The following OSBPL10 variants were observed in gnomAD, a reference collection of about 807,000 sequenced individuals.
OSBPL10 encodes oxysterol binding protein like 10.
OSBPL10 carries 49 observed loss-of-function variants against 81.7 expected under a neutral mutation model. The observed-to-expected ratio is 0.60, with a 90% CI of 0.48 to 0.76. The LOEUF (loss-of-function observed/expected upper bound fraction) is 0.76, where lower values mean the gene tolerates loss of function less well. Ranked by LOEUF, OSBPL10 falls within the 30% of genes least tolerant of loss-of-function variation. The pLI, the probability that OSBPL10 is intolerant of heterozygous loss-of-function variation, is 0.00. For missense variants in OSBPL10, 923 were observed against 987.8 expected (o/e 0.93, Z 0.88); for synonymous variants, 419 against 383.6 (o/e 1.09, Z -1.08).
rs372994228 is a variant in OSBPL10 at position 31,666,499 on chromosome 3, C to G, written c.2096+2143G>C. Among the ~76,000 whole-genome samples, 20 of 152,288 alleles carry G rather than the reference C, an allele frequency of 1.3e-4. No individual in the cohort carries two copies. The East Asian group carries it at 3.5e-3, about 26-fold the overall frequency. On this transcript the variant is annotated intron_variant, in intron 10 of 11. Transcript: ENST00000396556. ...CCTCTGCAGGGAAGGCCTAGCACAC[C>G]CGGCTGGGAGAGTGAACACAGGTGC...
At chr3:31,861,514 T>C (rs1337286574) in intron 3 of OSBPL10, among the ~76,000 whole-genome samples, 2 of 152,164 alleles carry the variant, frequency 1.3e-5, no homozygotes, top group Non-Finnish European at 2.9e-5. Context: ...TGAATCCACA[T>C]AGGCAGAACC....
At chr3:31,803,174 C>T (rs540736241) in intron 4 of OSBPL10, among the ~76,000 whole-genome samples, 3 of 152,106 alleles carry the variant, frequency 2.0e-5, no homozygotes, top group Non-Finnish European at 4.4e-5. Flanking sequence ...AAGAAAGTGG[C>T]TTCTGATGGT....
At chr3:32,076,264 A>G (rs1699875745) in intron 1 of OSBPL10, among the ~76,000 whole-genome samples, 2 of 152,164 alleles carry the variant, frequency 1.3e-5, no homozygotes, top group South Asian at 4.1e-4. Flanking sequence ...GCTACTCAGG[A>G]GGCTGAGGCA....
At chr3:31,714,234 G>A (rs772926453) in intron 6 of OSBPL10, among the ~76,000 whole-genome samples, 12 of 152,178 alleles carry the variant, frequency 7.9e-5, no homozygotes, top group African/African-American at 1.2e-4. Flanking sequence ...CGGTATACAC[G>A]TAAGGCTCTG....
At chr3:31,925,158 G>T (rs1161700104) in intron 1 of OSBPL10, among the ~76,000 whole-genome samples, 1 of 152,016 alleles carries the variant, frequency 6.6e-6, no homozygotes, top group African/African-American at 2.4e-5. Flanking sequence ...TCAACATATA[G>T]AACAGACTGG....
intron 4 of OSBPL10, among the ~76,000 whole-genome samples, chr3:31,751,114 T>C (rs1697703106): frequency 6.6e-6 from 1 of 152,058 alleles, no homozygotes; most frequent in Non-Finnish European, 1.5e-5. Context: ...GAGACCAGCC[T>C]GGCCAACATA....
intron 1 of OSBPL10, among the ~76,000 whole-genome samples, chr3:32,059,017 G>A (rs1699734951): frequency 6.6e-6 from 1 of 152,172 alleles, no homozygotes; most frequent in Non-Finnish European, 1.5e-5. Flanking sequence ...AGGCTAGGCT[G>A]GCCGGGTGTG....
intron 4 of OSBPL10, among the ~76,000 whole-genome samples, chr3:31,757,616 T>C (rs1575525233): frequency 2.0e-5 from 3 of 152,228 alleles, no homozygotes; most frequent in African/African-American, 4.8e-5. Context: ...ACAGACATCT[T>C]TCCACACCAA....
intron 1 of OSBPL10, among the ~76,000 whole-genome samples, chr3:31,968,438 C>T (rs1469076146): frequency 6.6e-6 from 1 of 151,772 alleles, no homozygotes; most frequent in African/African-American, 2.4e-5. Flanking sequence ...GAAATTCAGA[C>T]CATTCCATGA....
chr3:31,926,566 C>CAT (rs1341510722), intron 1 of OSBPL10, among the ~76,000 whole-genome samples: 1 of 152,158 alleles, frequency 6.6e-6, no homozygotes, highest in Admixed American at 6.5e-5. Context: ...ATTTGCAGCA[C>CAT]ATATGCCATA....
chr3:31,814,555 A>G (rs989638774), intron 4 of OSBPL10, among the ~76,000 whole-genome samples: 10 of 152,150 alleles, frequency 6.6e-5, no homozygotes, highest in Admixed American at 2.6e-4. Context: ...AGGTGCCCGA[A>G]GCTGGAGTGA....
chr3:31,987,117 C>T (rs1291683605), intron 2 of OSBPL10, among the ~76,000 whole-genome samples: 1 of 77,276 alleles, frequency 1.3e-5, no homozygotes, highest in Non-Finnish European at 2.2e-5. Flanking sequence ...TATGTGTATA[C>T]ACACACACAC....
chr3:31,818,516 T>G (rs1320889050), intron 4 of OSBPL10, among the ~76,000 whole-genome samples: 4 of 152,202 alleles, frequency 2.6e-5, no homozygotes, highest in Non-Finnish European at 4.4e-5. Flanking sequence ...GAACCCTGAC[T>G]AGCACAGCAC....
intron 2 of OSBPL10, among the ~76,000 whole-genome samples, chr3:32,039,572 T>G (rs1393686761): frequency 6.6e-6 from 1 of 151,532 alleles, no homozygotes; most frequent in Non-Finnish European, 1.5e-5. Context: ...GGCAGGAGAA[T>G]CGCTTGAACC....
At chr3:31,971,272 C>G (rs1461226663) in intron 1 of OSBPL10, among the ~76,000 whole-genome samples, 1 of 151,880 alleles carries the variant, frequency 6.6e-6, no homozygotes, top group African/African-American at 2.4e-5. Flanking sequence ...TCCCAAGTAG[C>G]TGGGATTACG....
intron 10 of OSBPL10, chr3:31,664,559 A>G (rs1030276781): frequency 2.7e-5 from 12 of 438,842 alleles, no homozygotes; most frequent in Non-Finnish European, 5.0e-5. Context: ...GGCATTTGCC[A>G]TATTTCTAAG....
At chr3:31,983,831 TA>T (rs1448250252), upstream of OSBPL10, among the ~76,000 whole-genome samples, 6 of 152,190 alleles carry the variant, frequency 3.9e-5, no homozygotes, top group Non-Finnish European at 1.5e-5. Flanking sequence ...GGAAAATACA[TA>T]ATAAGTTGGC....
intron 4 of OSBPL10, among the ~76,000 whole-genome samples, chr3:31,771,569 G>A (rs1301677648): frequency 6.6e-6 from 1 of 152,066 alleles, no homozygotes; most frequent in Non-Finnish European, 1.5e-5. Context: ...AAGTTTTATT[G>A]GGGTATAAAG....
chr3:31,849,191 C>T (rs1700702824), intron 3 of OSBPL10, among the ~76,000 whole-genome samples: 1 of 152,130 alleles, frequency 6.6e-6, no homozygotes, highest in South Asian at 2.1e-4. Flanking sequence ...GCCCCCTGAC[C>T]CACTTGTCCA....
Sources: allele counts gnomAD v4.1 joint callset (sites outside exome capture counted in the v4.1 genomes callset), GRCh38; gene constraint gnomAD v4.1.1; transcripts MANE v1.5; gene names NCBI Gene and HGNC (gene_info 2026-07-23, HGNC 2026-07-21).